The following MCM4 variants were observed in gnomAD, a reference collection of about 807,000 sequenced individuals.
MCM4 encodes minichromosome maintenance complex component 4.
MCM4 carries 60 observed loss-of-function variants against 88.7 expected under a neutral mutation model. The observed-to-expected ratio is 0.68, with a 90% CI of 0.55 to 0.84. The LOEUF is 0.84. Among genes scored for constraint, MCM4 ranks in the 40% least tolerant of loss-of-function variants. The probability of loss-of-function intolerance (pLI) is 0.00; values close to 1 mark genes in which losing one functional copy is unlikely to be tolerated. For missense variants in MCM4, 1,149 were observed against 1,105.5 expected (o/e 1.04, Z -0.56); for synonymous variants, 465 against 410.5 (o/e 1.13, Z -1.61).
In MCM4 at chr8:47,977,517, T is replaced by C. The variant is rs1013400905; in HGVS notation, c.*739T>C. On this transcript the variant is annotated 3_prime_UTR_variant, in exon 17 of 17. Coordinates refer to ENST00000649973, the MANE Select transcript of MCM4 (RefSeq NM_182746.3). The stretch of plus-strand genomic sequence containing the variant: ...TTTCTTTTTTATGGCACTTCTTTTT[T>C]TGAGATAGGGTCTTACTCTGTCACC... 12 of 152,482 alleles carry C rather than the reference T, an allele frequency of 7.9e-5. No homozygotes were observed. Among genetic ancestry groups the C allele is most frequent in the African/African-American group, 2.9e-4 (12 of 41,556 alleles). The allele number at this position is 152,482 out of a possible 1,614,324, so 9.4% of individuals were successfully genotyped here. A position where few individuals can be genotyped will look rare whatever the true frequency, so the allele number is the denominator to read the frequency against.
At chr8:47,971,007 A>G (rs2090948748) in intron 12 of MCM4, 131 bp downstream of exon 12, 3 of 1,112,388 alleles carry the variant, frequency 2.7e-6, no homozygotes, top group African/African-American at 3.1e-5. Context: ...TTTCCACATC[A>G]TATTTCAGCT....
chr8:47,973,000 T>TCA lies in MCM4; in HGVS notation c.2072_2073insCA (p.Ala692MetfsTer12). On this transcript the variant is annotated frameshift_variant, in exon 14 of 17. Coordinates refer to ENST00000649973, the MANE Select transcript of MCM4 (RefSeq NM_182746.3). LOFTEE classifies it high-confidence loss of function. ...GACATGGCGGTGCTAAAGGACTACA[T>TCA]TGCCTACGCGCACAGCACCATCATG... 1 of 1,614,078 alleles carries TCA rather than the reference T, an allele frequency of 6.2e-7. No homozygotes were observed. The highest frequency in any genetic ancestry group is 8.5e-7 in the Non-Finnish European group (1 of 1,180,006).
rs369039102 is a variant in MCM4 at position 47,961,175 on chromosome 8, C to T, written c.31C>T (p.Arg11Cys). 45 of 1,550,428 alleles carry T rather than the reference C, an allele frequency of 2.9e-5. No homozygotes were observed. The Admixed American group carries it at 5.1e-4, about 17-fold the overall frequency. Reference protein sequence around the residue: MSSPASTPSRRGSRRGRATPA... With the variant: MSSPASTPSRCGSRRGRATPA... Reference sequence around the variant, plus strand: ...GTCCCCGGCGTCGACCCCGAGCCGCCGCGGCAGCCGGCGTGGAAGGGCCAC... The same window carrying T: ...GTCCCCGGCGTCGACCCCGAGCCGCTGCGGCAGCCGGCGTGGAAGGGCCAC... Residue 11 changes from arginine to cysteine, a missense_variant, in exon 2 of 17, where the codon CGC becomes TGC. Around this residue, in one of 3 missense-constraint regions of MCM4, gnomAD observed 906 missense variants for 843.0 expected, o/e 1.07. Transcript: ENST00000649973.
In MCM4 at chr8:47,971,325, C is replaced by T. The variant is rs750255784; in HGVS notation, c.1801-16C>T. 1.9e-6 allele frequency: 3 copies of T among 1,614,058 alleles called. No homozygotes were observed. Among genetic ancestry groups the T allele is most frequent in the East Asian group, 2.2e-5 (1 of 44,888 alleles). ...CGTCAGGGAGAGGCTTCTAACTGCACTCTTTGCTCTGATAGGCTGGGATCA... is the reference window on the plus strand; with the variant it reads ...CGTCAGGGAGAGGCTTCTAACTGCATTCTTTGCTCTGATAGGCTGGGATCA... On this transcript the variant is annotated splice_polypyrimidine_tract_variant and intron_variant, in intron 12 of 16. Coordinates refer to ENST00000649973, the MANE Select transcript of MCM4 (RefSeq NM_182746.3).
intron 14 of MCM4, 109 bp from the exon 15 acceptor site, chr8:47,974,625 T>C: frequency 6.1e-6 from 5 of 826,188 alleles, no homozygotes; most frequent in Non-Finnish European, 2.0e-6. Flanking sequence ...CAGGACCATA[T>C]CTGAGTTCCG....
At chr8:47,963,775 A>G (rs1028657006) in intron 7 of MCM4, among the ~76,000 whole-genome samples, 1 of 152,226 alleles carries the variant, frequency 6.6e-6, no homozygotes, top group Non-Finnish European at 1.5e-5. Flanking sequence ...CTCTGGGTGT[A>G]GTCTTTGGAG....
chr8:47,976,715 A>C lies in MCM4; in HGVS notation c.2529A>C (p.Ala843=), dbSNP rs2091004076. 1 of 1,613,558 alleles carries C rather than the reference A, an allele frequency of 6.2e-7. No individual in the cohort carries two copies. The highest frequency in any genetic ancestry group is 1.1e-5 in the South Asian group (1 of 91,068). The change falls in exon 17 of 17, where the codon GCA becomes GCC. Residue 843 remains alanine (A), a synonymous_variant. Coordinates refer to ENST00000649973, the MANE Select transcript of MCM4 (RefSeq NM_182746.3). ...IAITKDMFEE[A]LRALADDDFL... is the part of the protein sequence containing the mutation. ...TTACTAAAGATATGTTTGAAGAAGCACTGCGTGCCCTGGCAGATGATGATT... is the reference window on the plus strand; with the variant it reads ...TTACTAAAGATATGTTTGAAGAAGCCCTGCGTGCCCTGGCAGATGATGATT...
chr8:47,967,715 C>G (rs551345334), intron 10 of MCM4, among the ~76,000 whole-genome samples: 1 of 152,310 alleles, frequency 6.6e-6, no homozygotes, highest in East Asian at 1.9e-4. Flanking sequence ...TGTTGGAGCT[C>G]ATGGTTCGTG....
chr8:47,971,228 C>A, intron 12 of MCM4, 113 bp from the exon 13 acceptor site: 1 of 1,260,982 alleles, frequency 7.9e-7, no homozygotes. Context: ...ATGGCTCAGG[C>A]AATAGAAACT....
intron 10 of MCM4, chr8:47,969,539 T>G (rs1216020070): frequency 4.1e-6 from 2 of 492,948 alleles, no homozygotes; most frequent in Non-Finnish European, 7.3e-6. Flanking sequence ...ATTACAGACA[T>G]GAGCCACCTT....
Position 47,961,154 on chromosome 8 carries a change from C to T in MCM4, c.10C>T (p.Pro4Ser). 6.4e-7 allele frequency: 1 copy of T among 1,553,020 alleles called. No homozygotes were observed. Among genetic ancestry groups the T allele is most frequent in the Non-Finnish European group, 8.6e-7 (1 of 1,159,606 alleles). The change falls in exon 2 of 17, where the codon CCG becomes TCG. Residue 4 changes from proline (P) to serine (S), a missense_variant. Around this residue, in one of 3 missense-constraint regions of MCM4, gnomAD observed 906 missense variants for 843.0 expected, o/e 1.07. Coordinates refer to ENST00000649973, the MANE Select transcript of MCM4 (RefSeq NM_182746.3). ...AGGTACTCCGAGCACTATGTCGTCC[C>T]CGGCGTCGACCCCGAGCCGCCGCGG... MSSPASTPSRRGSR... is the reference protein window; with the variant it reads MSSSASTPSRRGSR...
At chr8:47,966,839 A>G (rs1165144401) in intron 9 of MCM4, among the ~76,000 whole-genome samples, 4 of 152,222 alleles carry the variant, frequency 2.6e-5, no homozygotes, top group African/African-American at 9.6e-5. Context: ...GACAGAAAAA[A>G]GTGAGGGGAA....
chr8:47,976,384 A>T (rs1225955124), intron 16 of MCM4, among the ~76,000 whole-genome samples: 1 of 152,176 alleles, frequency 6.6e-6, no homozygotes, highest in African/African-American at 2.4e-5. Flanking sequence ...CCTTTTGTAA[A>T]TAAGTAAGGT....
intron 3 of MCM4, 30 bp from the exon 4 acceptor site, chr8:47,962,023 C>T (rs757573457): frequency 1.9e-6 from 3 of 1,608,148 alleles, no homozygotes; most frequent in South Asian, 2.2e-5. Context: ...TTTGATATGC[C>T]ACCAGAATTT....
At chr8:47,962,264 G>A (rs1563830589) in intron 4 of MCM4, 41 bp from the exon 5 acceptor site, 3 of 1,613,996 alleles carry the variant, frequency 1.9e-6, no homozygotes, top group Non-Finnish European at 2.5e-6. Context: ...TATCATGTGG[G>A]TAACTCTGTT....
Position 47,962,024 on chromosome 8 carries a change from A to C in MCM4, c.236-29A>C, listed in dbSNP as rs1394534967. 1.9e-6 allele frequency: 3 copies of C among 1,610,022 alleles called. No homozygotes were observed. The African/African-American group carries it at 4.0e-5, about 22-fold the overall frequency. ...GCTGTAATTTCAGGTTTGATATGCC[A>C]CCAGAATTTCCTAATTTTGTTTTTA... On this transcript the variant is annotated intron_variant, in intron 3 of 16. Coordinates refer to ENST00000649973, the MANE Select transcript of MCM4 (RefSeq NM_182746.3).
chr8:47,973,192 A>T (rs2090971410), intron 14 of MCM4, 128 bp downstream of exon 14: 2 of 918,034 alleles, frequency 2.2e-6, no homozygotes, highest in Admixed American at 4.8e-5. Flanking sequence ...TTGTTTTGAG[A>T]CAGAGCCTGG....
intron 5 of MCM4, 31 bp from the exon 6 acceptor site, chr8:47,962,733 A>T: frequency 7.5e-7 from 1 of 1,328,708 alleles, no homozygotes; most frequent in Non-Finnish European, 1.1e-6. Flanking sequence ...CAAATGCTAT[A>T]TGCCTAATAC....
At chr8:47,963,818 G>A (rs1011209589) in intron 7 of MCM4, among the ~76,000 whole-genome samples, 2 of 152,206 alleles carry the variant, frequency 1.3e-5, no homozygotes, top group Non-Finnish European at 2.9e-5. Flanking sequence ...TCTTGGTTTT[G>A]CTGATTACTG....
Sources: gnomAD v4.1 joint callset for allele counts (sites outside exome capture counted in the v4.1 genomes callset) on GRCh38, gnomAD v4.1.1 for gene constraint, gnomAD v4.1.1 regional missense constraint, MANE v1.5 for transcripts, NCBI Gene and HGNC (gene_info 2026-07-23, HGNC 2026-07-21) for gene names.